Variants in LMBRD2 observed in about 807,000 individuals in gnomAD.
LMBRD2 encodes G protein-coupled receptor-associated protein LMBRD2.
Under a neutral mutation model 94.4 loss-of-function variants are expected in LMBRD2, and 55 were observed. That is an observed-to-expected ratio of 0.58 (90% CI 0.47 to 0.73). LMBRD2 has a LOEUF of 0.73. Among genes scored for constraint, LMBRD2 ranks in the 30% least tolerant of loss-of-function variants. LMBRD2 has a pLI of 0.00. For missense variants in LMBRD2, 640 were observed against 831.9 expected (o/e 0.77, Z 2.84); for synonymous variants, 246 against 272.4 (o/e 0.90, Z 0.95).
chr5:36,118,783 T>A (rs929128901), intron 9 of LMBRD2, among the ~76,000 whole-genome samples: 1 of 151,946 alleles, frequency 6.6e-6, no homozygotes, highest in African/African-American at 2.4e-5. Context: ...CCCAAGTAAC[T>A]GGAATTACAG....
chr5:36,103,625 T>C lies in LMBRD2; in HGVS notation c.*421A>G, dbSNP rs1194167719. On this transcript the variant is annotated 3_prime_UTR_variant, in exon 18 of 18. Transcript: ENST00000296603. ...TTCTTTGGGAAATACAGGTTGAATA[T>C]ACTTTTTAGAAGTAACAAAAATGTA... 6.5e-6 allele frequency: 1 copy of C among 152,760 alleles called. No individual in the cohort carries two copies. Among genetic ancestry groups the C allele is most frequent in the South Asian group, 2.1e-4 (1 of 4,874 alleles). The allele number at this position is 152,760 out of a possible 1,614,324, so 9.5% of individuals were successfully genotyped here.
At chr5:36,129,565 C>A (rs78523852) in intron 6 of LMBRD2, among the ~76,000 whole-genome samples, 7,646 of 152,008 alleles carry the variant, frequency 0.05, 680 homozygotes, top group African/African-American at 0.18. Context: ...CAAACAAAAG[C>A]TGAGAGATTT....
chr5:36,106,077 A>G (rs1031179092), intron 16 of LMBRD2, among the ~76,000 whole-genome samples: 1 of 151,720 alleles, frequency 6.6e-6, no homozygotes, highest in African/African-American at 2.4e-5. Context: ...TGCCCAATAC[A>G]TGCTAGATTC....
At chr5:36,110,058 T>A in intron 14 of LMBRD2, 67 bp from the exon 15 acceptor site, 1 of 1,186,588 alleles carries the variant, frequency 8.4e-7, no homozygotes, top group Non-Finnish European at 1.2e-6. Flanking sequence ...GCAACTGAAG[T>A]AAAGATAGCG....
intron 16 of LMBRD2, among the ~76,000 whole-genome samples, chr5:36,106,510 T>C (rs544419771): frequency 7.4e-5 from 9 of 122,098 alleles, no homozygotes; most frequent in Middle Eastern, 4.1e-3. Flanking sequence ...TTTTCTTTCG[T>C]TTTTTTTTTT....
intron 6 of LMBRD2, 65 bp from the exon 7 acceptor site, chr5:36,124,330 A>G: frequency 1.1e-6 from 1 of 894,272 alleles, no homozygotes; most frequent in Non-Finnish European, 1.8e-6. Flanking sequence ...CCAAATGAGA[A>G]TGCATTAGGT....
intron 1 of LMBRD2, among the ~76,000 whole-genome samples, chr5:36,145,084 T>C (rs1371282421): frequency 6.6e-6 from 1 of 152,200 alleles, no homozygotes; most frequent in Non-Finnish European, 1.5e-5. Context: ...CCAGAGACTC[T>C]ATGAGAGCAG....
intron 1 of LMBRD2, among the ~76,000 whole-genome samples, chr5:36,149,554 C>T (rs546742185): frequency 5.9e-5 from 9 of 152,308 alleles, no homozygotes; most frequent in African/African-American, 2.2e-4. Flanking sequence ...GGAATCCTAT[C>T]ATCATCTAGA....
rs985103879 is a variant in LMBRD2, at chr5:36,104,090, G to A, written c.2044C>T (p.Arg682Ter). The A allele has an allele frequency of 5.6e-6, 9 of 1,609,898 alleles. No individual in the cohort carries two copies. Among genetic ancestry groups the A allele is most frequent in the East Asian group, 2.2e-5 (1 of 44,704 alleles). ...SESGRYQPGG[R>*]YLSMSRSDIF... ...TCACTGCGAGACATCGAGAGATATC[G>A]TCCACCAGGCTGATACCTAAAAAGG... The change falls in exon 18 of 18, where the codon CGA becomes TGA. Residue 682 changes from arginine to a stop codon, truncating the protein, a stop_gained. Coordinates refer to ENST00000296603, the MANE Select transcript of LMBRD2 (RefSeq NM_001007527.2). LOFTEE classifies it high-confidence loss of function.
In LMBRD2 at chr5:36,137,274, C is replaced by A; in HGVS notation, c.536G>T (p.Trp179Leu). ...ATGTTAAGAAGACTACTTTTCTTACCATTCTAAATGTAAATGTGGGTTTAC... is the reference window on the plus strand; with the variant it reads ...ATGTTAAGAAGACTACTTTTCTTACAATTCTAAATGTAAATGTGGGTTTAC... ...VAVNPHLHLE[W>L]NQLQTIGIAA... Residue 179 changes from tryptophan (W) to leucine (L), a missense_variant and splice_region_variant, in exon 5 of 18, where the codon TGG becomes TTG. Physicochemically the swap from Trp to Leu is moderately conservative, Grantham distance 61 (BLOSUM62 -2). Transcript: ENST00000296603. 1.3e-6 allele frequency: 2 copies of A among 1,550,130 alleles called. No homozygotes were observed. The highest frequency in any genetic ancestry group is 8.8e-7 in the Non-Finnish European group (1 of 1,137,472).
At chr5:36,143,833 T>C (rs2111912731) in intron 1 of LMBRD2, among the ~76,000 whole-genome samples, 1 of 152,058 alleles carries the variant, frequency 6.6e-6, no homozygotes, top group South Asian at 2.1e-4. Context: ...CTAAGATTAT[T>C]CATCCTCTAT....
intron 13 of LMBRD2, among the ~76,000 whole-genome samples, chr5:36,113,818 C>T (rs973735031): frequency 1.2e-4 from 18 of 152,206 alleles, no homozygotes; most frequent in South Asian, 2.1e-4. Flanking sequence ...AAGACAGATG[C>T]GAGAAGCCAA....
At chr5:36,104,604 T>C (rs1301468036) in intron 17 of LMBRD2, among the ~76,000 whole-genome samples, 3 of 152,048 alleles carry the variant, frequency 2.0e-5, no homozygotes, top group Non-Finnish European at 4.4e-5. Flanking sequence ...CTGGGCACTT[T>C]ACTGAGCCTC....
At chr5:36,110,867 G>A (rs1428218263) in intron 14 of LMBRD2, among the ~76,000 whole-genome samples, 1 of 151,906 alleles carries the variant, frequency 6.6e-6, no homozygotes, top group Non-Finnish European at 1.5e-5. Context: ...TATGTTTCAA[G>A]GTAAACATGA....
At chr5:36,112,505 T>C (rs907363296) in intron 13 of LMBRD2, among the ~76,000 whole-genome samples, 2 of 152,184 alleles carry the variant, frequency 1.3e-5, no homozygotes, top group South Asian at 2.1e-4. Context: ...TAACCTATCA[T>C]TGAAATGTCA....
intron 1 of LMBRD2, among the ~76,000 whole-genome samples, chr5:36,149,452 G>A (rs1416770598): frequency 6.6e-6 from 1 of 152,226 alleles, no homozygotes; most frequent in African/African-American, 2.4e-5. Context: ...TGGCAAGTTA[G>A]CAGATTATCA....
Position 36,101,586 on chromosome 5 carries a change from A to T in LMBRD2, c.*2460T>A, listed in dbSNP as rs1380823459. 1 of 151,964 alleles carries T rather than the reference A, an allele frequency of 6.6e-6. No homozygotes were observed. Among genetic ancestry groups the T allele is most frequent in the African/African-American group, 2.4e-5 (1 of 41,436 alleles). 9.4% of individuals were successfully genotyped at this position (151,964 alleles called of 1,614,324 possible). ...GTTTTTTACACAGGGTGGCTTGACA[A>T]ATATTAACTTGGTTCCCCAGCAATA... is the stretch of plus-strand genomic sequence containing the variant. On this transcript the variant is annotated 3_prime_UTR_variant, in exon 18 of 18. Coordinates refer to ENST00000296603, the MANE Select transcript of LMBRD2 (RefSeq NM_001007527.2).
intron 1 of LMBRD2, among the ~76,000 whole-genome samples, chr5:36,150,574 A>T (rs968264467): frequency 5.9e-5 from 9 of 152,236 alleles, no homozygotes; most frequent in African/African-American, 1.9e-4. Context: ...CTTCAAACAA[A>T]GGCAAATGCT....
At chr5:36,110,271 T>C (rs1007545833) in intron 14 of LMBRD2, among the ~76,000 whole-genome samples, 5 of 152,178 alleles carry the variant, frequency 3.3e-5, no homozygotes, top group Admixed American at 3.3e-4. Flanking sequence ...CTCTGTAAAT[T>C]CTATTCTTTT....
Sources: allele counts gnomAD v4.1 joint callset (sites outside exome capture counted in the v4.1 genomes callset), GRCh38; gene constraint gnomAD v4.1.1; transcripts MANE v1.5; gene names NCBI Gene and HGNC (gene_info 2026-07-23, HGNC 2026-07-21).